The following TYRP1 variants were observed in gnomAD, a reference collection of about 807,000 sequenced individuals.
TYRP1 encodes tyrosinase related protein 1, also known as 5,6-dihydroxyindole-2-carboxylic acid oxidase.
TYRP1 carries 49 observed loss-of-function variants against 42.8 expected under a neutral mutation model. The observed-to-expected ratio is 1.14, with a 90% CI of 0.91 to 1.45. The LOEUF is 1.45. Among genes scored for constraint, TYRP1 ranks in the 40% most tolerant of loss-of-function variants. TYRP1 has a pLI of 0.00. For synonymous variants in TYRP1, 279 were observed against 235.4 expected (o/e 1.19, Z -1.69); for missense variants, 848 against 662.0 (o/e 1.28, Z -3.08).
intron 4 of TYRP1, chr9:12,700,606 T>A (rs148607477): frequency 6.6e-6 from 1 of 152,238 alleles, no homozygotes; most frequent in Non-Finnish European, 1.5e-5. Flanking sequence ...TTTGTCCATA[T>A]GCAAACAAAT....
chr9:12,694,364 A>T lies in TYRP1; in HGVS notation c.368A>T (p.Asp123Val), dbSNP rs146962444. The T allele has an allele frequency of 2.8e-5, 45 of 1,614,008 alleles. No homozygotes were observed. In the African/African-American group the frequency reaches 6.0e-4, roughly 22 times the overall value. ...CCTGGCTGGAGAGGAGCTGCCTGTGACCAGAGGGTTCTCATAGGTAAGTGG... is the reference window on the plus strand; with the variant it reads ...CCTGGCTGGAGAGGAGCTGCCTGTGTCCAGAGGGTTCTCATAGGTAAGTGG... ...CRPGWRGAAC[D>V]QRVLIVRRNL... is the part of the protein sequence containing the mutation. The change falls in exon 2 of 8, where the codon GAC (aspartate) becomes GTC (valine). Residue 123 changes from aspartate (D) to valine (V), a missense_variant. Coordinates refer to ENST00000388918, the MANE Select transcript of TYRP1 (RefSeq NM_000550.3).
At chr9:12,706,042 A>AATT (rs1818252848) in intron 6 of TYRP1, among the ~76,000 whole-genome samples, 1 of 152,060 alleles carries the variant, frequency 6.6e-6, no homozygotes, top group Non-Finnish European at 1.5e-5. Context: ...CAAAATGTTC[A>AATT]ATTTACATAC....
Position 12,709,366 on chromosome 9 carries a change from G to T in TYRP1, c.*184G>T, listed in dbSNP as rs541780478. ...GACCCTTTCAGAATCTTTTCAATGG[G>T]TTTTAATTTTCAGTTCTATTTAAAA... On this transcript the variant is annotated 3_prime_UTR_variant, in exon 8 of 8. Transcript: ENST00000388918. 3.2e-6 allele frequency: 2 copies of T among 628,526 alleles called. No individual in the cohort carries two copies. The highest frequency in any genetic ancestry group is 5.6e-5 in the East Asian group (2 of 35,466). 38.9% of individuals were successfully genotyped at this position (628,526 alleles called of 1,614,324 possible).
At chr9:12,698,425 G>C (rs1255112091) in intron 3 of TYRP1, 26 bp from the exon 4 acceptor site, 2 of 1,593,558 alleles carry the variant, frequency 1.3e-6, no homozygotes, top group Non-Finnish European at 1.7e-6. Flanking sequence ...GAAGCAGAGA[G>C]TATTAATGTG....
chr9:12,708,977 G>T lies in TYRP1; in HGVS notation c.1409G>T (p.Ser470Ile), dbSNP rs201605146. ...LGYTYEIQWP[S>I]REFSVPEIIA... is the part of the protein sequence containing the mutation. ...TATTTTTATCTTCCTTTCCAAATAG[G>T]TCGGGAGTTTAGTGTACCTGAGATA... The change falls in exon 8 of 8, where the codon AGT (serine) becomes ATT (isoleucine). Residue 470 changes from serine (S) to isoleucine (I), a missense_variant and splice_region_variant. Ser to Ile is a moderately radical substitution (Grantham distance 142). Transcript: ENST00000388918. 3 of 1,611,638 alleles carry T rather than the reference G, an allele frequency of 1.9e-6. No homozygotes were observed. The highest frequency in any genetic ancestry group is 1.1e-5 in the South Asian group (1 of 91,004).
chr9:12,703,147 TAA>T (rs1370587954), intron 5 of TYRP1, among the ~76,000 whole-genome samples: 3 of 151,952 alleles, frequency 2.0e-5, no homozygotes, highest in Non-Finnish European at 4.4e-5. Flanking sequence ...TATATATATT[TAA>T]AGTCTTCAAA....
chr9:12,704,552 G>A lies in TYRP1; in HGVS notation c.1108G>A (p.Asp370Asn), dbSNP rs2118258618. 7 of 1,612,726 alleles carry A rather than the reference G, an allele frequency of 4.3e-6. No individual in the cohort carries two copies. The East Asian group carries it at 1.3e-4, about 31-fold the overall frequency. The change falls in exon 6 of 8, where the codon GAC becomes AAC. Residue 370 changes from aspartate to asparagine, a missense_variant. By Grantham distance (23) the Asp-to-Asn change is conservative. Coordinates refer to ENST00000388918, the MANE Select transcript of TYRP1 (RefSeq NM_000550.3). ...EGYSDPTGKYDPAVRSLHNLA... is the reference protein window; with the variant it reads ...EGYSDPTGKYNPAVRSLHNLA... The stretch of plus-strand genomic sequence containing the variant: ...TTACAGTGACCCCACGGGAAAGTAT[G>A]ACCCTGCTGTTCGAAGTCTTCACAA...
intron 3 of TYRP1, 49 bp from the exon 4 acceptor site, chr9:12,698,402 A>ATAAT (rs1818111191): frequency 3.9e-6 from 6 of 1,548,584 alleles, no homozygotes; most frequent in Non-Finnish European, 4.5e-6. Context: ...ACAGAAATGA[A>ATAAT]TAATTGTAAA....
At chr9:12,693,885 A>C in intron 1 of TYRP1, 27 bp from the exon 2 acceptor site, 3 of 1,436,648 alleles carry the variant, frequency 2.1e-6, no homozygotes, top group Non-Finnish European at 2.9e-6. Flanking sequence ...AAACTTGCAT[A>C]ATCTCATTTT....
chr9:12,706,436 C>G (rs1240262956), intron 6 of TYRP1, among the ~76,000 whole-genome samples: 1 of 151,976 alleles, frequency 6.6e-6, no homozygotes, highest in Non-Finnish European at 1.5e-5. Flanking sequence ...CAGATTTTAA[C>G]TTAAAGGTCA....
At chr9:12,694,412 C>A in intron 2 of TYRP1, 31 bp downstream of exon 2, 1 of 1,611,922 alleles carries the variant, frequency 6.2e-7, no homozygotes. Context: ...GTTCATAAGT[C>A]CTGCATGAGA....
intron 6 of TYRP1, among the ~76,000 whole-genome samples, chr9:12,707,422 A>C (rs1165442725): frequency 6.6e-6 from 1 of 152,030 alleles, no homozygotes; most frequent in East Asian, 1.9e-4. Flanking sequence ...ACCATATGTA[A>C]ATACATATAC....
chr9:12,709,091 A>G lies in TYRP1; in HGVS notation c.1523A>G (p.Asp508Gly), dbSNP rs761067561. 32 of 1,612,672 alleles carry G rather than the reference A, an allele frequency of 2.0e-5. No homozygotes were observed. The Middle Eastern group carries it at 4.9e-4, about 25-fold the overall frequency. Residue 508 changes from aspartate to glycine, a missense_variant, in exon 8 of 8, where the codon GAT (aspartate) becomes GGT (glycine). Coordinates refer to ENST00000388918, the MANE Select transcript of TYRP1 (RefSeq NM_000550.3). ...SYLIRARRSMDEANQPLLTDQ... is the reference protein window; with the variant it reads ...SYLIRARRSMGEANQPLLTDQ... Reference sequence around the variant, plus strand: ...CTGATTCGTGCCAGACGCAGTATGGATGAAGCTAACCAGCCTCTCCTCACT... The same window carrying G: ...CTGATTCGTGCCAGACGCAGTATGGGTGAAGCTAACCAGCCTCTCCTCACT...
Position 12,698,524 on chromosome 9 carries a change from G to A in TYRP1, c.782G>A (p.Cys261Tyr), listed in dbSNP as rs767376414. Residue 261 changes from cysteine to tyrosine, a missense_variant, in exon 4 of 8, where the codon TGC becomes TAC. By Grantham distance (194) the Cys-to-Tyr change is radical. Coordinates refer to ENST00000388918, the MANE Select transcript of TYRP1 (RefSeq NM_000550.3). Reference protein sequence around the residue: ...FATGKNVCDICTDDLMGSRSN... With the variant: ...FATGKNVCDIYTDDLMGSRSN... Reference sequence around the variant, plus strand: ...ACGGGGAAAAATGTCTGTGATATCTGCACGGATGACTTGATGGGATCCAGA... The same window carrying A: ...ACGGGGAAAAATGTCTGTGATATCTACACGGATGACTTGATGGGATCCAGA... 3 of 1,613,772 alleles carry A rather than the reference G, an allele frequency of 1.9e-6. No individual in the cohort carries two copies. The highest frequency in any genetic ancestry group is 2.2e-5 in the South Asian group (2 of 91,070).
chr9:12,703,909 G>A lies in TYRP1; in HGVS notation c.1082-617G>A, dbSNP rs577509310. ...TGTGTGTGTGTGTGTGTGTGTGTGTGTATATATGTGTGTGTATATGTATAT... is the reference window on the plus strand; with the variant it reads ...TGTGTGTGTGTGTGTGTGTGTGTGTATATATATGTGTGTGTATATGTATAT... On this transcript the variant is annotated intron_variant, in intron 5 of 7. Coordinates refer to ENST00000388918, the MANE Select transcript of TYRP1 (RefSeq NM_000550.3). 9.9e-5 allele frequency among the ~76,000 whole-genome samples: 12 copies of A among 121,644 alleles called. No individual in the cohort carries two copies. The South Asian group carries it at 1.8e-3, about 19-fold the overall frequency. 79.8% of individuals were successfully genotyped at this position (121,644 alleles called of 152,430 possible).
chr9:12,704,745 C>A, intron 6 of TYRP1, 40 bp downstream of exon 6: 1 of 1,592,990 alleles, frequency 6.3e-7, no homozygotes. Flanking sequence ...CTCAGCTGGG[C>A]GGATTGTTTA....
chr9:12,704,800 A>G, intron 6 of TYRP1, 95 bp downstream of exon 6: 2 of 1,241,634 alleles, frequency 1.6e-6, no homozygotes, highest in Non-Finnish European at 2.4e-6. Context: ...GCGCATAAAA[A>G]CACTTTCAAA....
At chr9:12,702,774 T>A (rs1279503355) in intron 5 of TYRP1, among the ~76,000 whole-genome samples, 1 of 152,058 alleles carries the variant, frequency 6.6e-6, no homozygotes, top group Non-Finnish European at 1.5e-5. Context: ...TATTCAAGAC[T>A]TTGACAGTGT....
rs760010631 is a variant in TYRP1 at position 12,709,134 on chromosome 9, T to C, written c.1566T>C (p.Tyr522=). 19 of 1,612,672 alleles carry C rather than the reference T, an allele frequency of 1.2e-5. No individual in the cohort carries two copies. Among genetic ancestry groups the C allele is most frequent in the Non-Finnish European group, 1.6e-5 (19 of 1,179,072 alleles). The change falls in exon 8 of 8, where the codon TAT becomes TAC. Residue 522 remains tyrosine (Y), a synonymous_variant. Coordinates refer to ENST00000388918, the MANE Select transcript of TYRP1 (RefSeq NM_000550.3). ...QPLLTDQYQC[Y]AEEYEKLQNP... Reference sequence around the variant, plus strand: ...TCCTCACTGATCAGTATCAATGCTATGCTGAAGAATATGAAAAACTCCAGA... The same window carrying C: ...TCCTCACTGATCAGTATCAATGCTACGCTGAAGAATATGAAAAACTCCAGA...
Sources: allele counts gnomAD v4.1 joint callset (sites outside exome capture counted in the v4.1 genomes callset), GRCh38; gene constraint gnomAD v4.1.1; transcripts MANE v1.5; gene names NCBI Gene and HGNC (gene_info 2026-07-23, HGNC 2026-07-21).